The following TRPM1 variants were observed in gnomAD, a reference collection of about 807,000 sequenced individuals.
The protein encoded by TRPM1 is transient receptor potential cation channel subfamily M member 1, also known as TRPM1-203 APA Isoform, Intron 10.
Under a neutral mutation model 149.4 loss-of-function variants are expected in TRPM1, and 113 were observed. That is an observed-to-expected ratio of 0.76 (90% CI 0.65 to 0.88). The LOEUF (loss-of-function observed/expected upper bound fraction) is 0.88, where lower values mean the gene tolerates loss of function less well. Ranked by LOEUF, TRPM1 falls within the 40% of genes least tolerant of loss-of-function variation. The pLI is 0.00. For missense variants in TRPM1, 1,976 were observed against 2,038.7 expected, an observed-to-expected ratio of 0.97 and a Z score of 0.59; for synonymous variants, 741 against 759.5, an observed-to-expected ratio of 0.98 and a Z score of 0.40.
intron 1 of TRPM1, among the ~76,000 whole-genome samples, chr15:31,120,872 T>C (rs2035865361): frequency 6.6e-6 from 1 of 152,056 alleles, no homozygotes; most frequent in Admixed American, 6.5e-5. Context: ...CCAAAATGTG[T>C]GGGAATGCAG....
intron 1 of TRPM1, among the ~76,000 whole-genome samples, chr15:31,148,262 G>T (rs1299662678): frequency 6.6e-6 from 1 of 152,182 alleles, no homozygotes; most frequent in Non-Finnish European, 1.5e-5. Flanking sequence ...TAGGTGCGAG[G>T]ACAGCAGGAC....
intron 2 of TRPM1, among the ~76,000 whole-genome samples, chr15:31,077,798 GT>G (rs1468202069): frequency 6.6e-6 from 1 of 151,918 alleles, no homozygotes; most frequent in Admixed American, 6.6e-5. Context: ...AGTGCAGAGT[GT>G]GTCGTGATGC....
At chr15:31,103,239 T>C (rs895744439), upstream of TRPM1, among the ~76,000 whole-genome samples, 1 of 152,098 alleles carries the variant, frequency 6.6e-6, no homozygotes, top group Non-Finnish European at 1.5e-5. Context: ...GGGAGCCCCA[T>C]CCTTCCCCAA....
At chr15:31,043,399 A>G (rs1307285114) in intron 16 of TRPM1, among the ~76,000 whole-genome samples, 3 of 152,056 alleles carry the variant, frequency 2.0e-5, no homozygotes, top group African/African-American at 4.8e-5. Context: ...TCACCGTGTT[A>G]GCCAGGATGG....
In TRPM1 at chr15:31,035,620, C is replaced by A. The variant is rs1180604660; in HGVS notation, c.2626G>T (p.Asp876Tyr). Residue 876 changes from aspartate (D) to tyrosine (Y), a missense_variant, in exon 21 of 28, where the codon GAT becomes TAT. Physicochemically the swap from Asp to Tyr is radical, Grantham distance 160 (BLOSUM62 -3). Coordinates refer to ENST00000256552, the MANE Select transcript of TRPM1 (RefSeq NM_001252024.2). The part of the protein sequence containing the change: ...LFNYVILVRM[D>Y]GWPSLQEWIV... Reference sequence around the variant, plus strand: ...CACTCCTGGAGGGACGGCCAGCCATCCATCCGCACCAGGATGACGTAGTTA... The same window carrying A: ...CACTCCTGGAGGGACGGCCAGCCATACATCCGCACCAGGATGACGTAGTTA... The A allele has an allele frequency of 1.9e-6, 3 of 1,614,206 alleles. No homozygotes were observed. The highest frequency in any genetic ancestry group is 1.7e-5 in the Admixed American group (1 of 60,026).
upstream of TRPM1, among the ~76,000 whole-genome samples, chr15:31,102,123 T>A (rs947196378): frequency 6.6e-6 from 1 of 152,236 alleles, no homozygotes; most frequent in African/African-American, 2.4e-5. Flanking sequence ...ATGGCACTAA[T>A]TACTGCTAAT....
At chr15:31,070,484 T>G in intron 3 of TRPM1, 1 of 690,504 alleles carries the variant, frequency 1.4e-6, no homozygotes, top group South Asian at 1.5e-5. Flanking sequence ...AACTTTTTGA[T>G]GTCTTGATAA....
chr15:31,037,737 G>A lies in TRPM1; in HGVS notation c.2545C>T (p.Pro849Ser). 4 of 1,614,188 alleles carry A rather than the reference G, an allele frequency of 2.5e-6. No individual in the cohort carries two copies. Among genetic ancestry groups the A allele is most frequent in the Non-Finnish European group, 3.4e-6 (4 of 1,180,032 alleles). Residue 849 changes from proline (P) to serine (S), a missense_variant, in exon 20 of 28, where the codon CCC (proline) becomes TCC (serine). Pro to Ser is a moderately conservative substitution (Grantham distance 74). Transcript: ENST00000256552. The stretch of plus-strand genomic sequence containing the variant: ...GTGTAAAACCAGAACTTGACAATGG[G>A]CGCGTTATAGAATTCACAGATCTTT... Reference protein sequence around the residue: ...GTKICEFYNAPIVKFWFYTIS... With the variant: ...GTKICEFYNASIVKFWFYTIS...
At chr15:31,135,018 A>G (rs1320887340) in intron 1 of TRPM1, among the ~76,000 whole-genome samples, 1 of 152,010 alleles carries the variant, frequency 6.6e-6, no homozygotes. Context: ...AAAAAAAGAG[A>G]TTGGCTCAAC....
At chr15:31,131,743 G>A (rs1173356560) in intron 1 of TRPM1, among the ~76,000 whole-genome samples, 2 of 152,190 alleles carry the variant, frequency 1.3e-5, no homozygotes, top group African/African-American at 2.4e-5. Context: ...GAGAGTGGGT[G>A]GAAGCAGTGA....
chr15:31,037,841 TCCTGGAAAAC>T lies in TRPM1; in HGVS notation c.2440-9_2440del. 1 of 1,614,112 alleles carries T rather than the reference TCCTGGAAAAC, an allele frequency of 6.2e-7. No homozygotes were observed. ...TCTTGAGCCAGCATCTGCATTTGCA[TCCTGGAAAAC>T]AGAGCACAGCACATGACAGGCAGGT... On this transcript the variant is annotated splice_acceptor_variant and splice_polypyrimidine_tract_variant and coding_sequence_variant and intron_variant, in exon 20 of 28. Transcript: ENST00000256552. LOFTEE classifies it high-confidence loss of function.
chr15:31,046,168 G>A, intron 16 of TRPM1, 36 bp downstream of exon 16: 2 of 1,605,398 alleles, frequency 1.2e-6, no homozygotes, highest in East Asian at 2.2e-5. Context: ...ATTTGACCAG[G>A]ATATTATAAA....
chr15:31,049,526 C>T lies in TRPM1; in HGVS notation c.1438-17G>A. 1.2e-6 allele frequency: 2 copies of T among 1,613,214 alleles called. No individual in the cohort carries two copies. Among genetic ancestry groups the T allele is most frequent in the Non-Finnish European group, 1.7e-6 (2 of 1,180,010 alleles). ...AGCATTCACCTGCAGGGACCAAGGG[C>T]CGGGAGCCTGTGAGTGGCCTCTCAG... On this transcript the variant is annotated splice_polypyrimidine_tract_variant and intron_variant, in intron 12 of 27. Transcript: ENST00000256552.
At chr15:31,084,819 C>G (rs1888340729) in intron 1 of TRPM1, among the ~76,000 whole-genome samples, 1 of 148,708 alleles carries the variant, frequency 6.7e-6, no homozygotes, top group East Asian at 2.0e-4. Flanking sequence ...ACTACAGGCG[C>G]CCGCCACCAC....
chr15:31,134,013 C>T (rs771620523), intron 1 of TRPM1, among the ~76,000 whole-genome samples: 6 of 152,144 alleles, frequency 3.9e-5, no homozygotes, highest in Non-Finnish European at 5.9e-5. Flanking sequence ...GTAAGCGGCC[C>T]TCTGGGAAGA....
In TRPM1 at chr15:31,113,565, C is replaced by T. The variant is rs574756191; in HGVS notation, c.55-36581G>A. On this transcript the variant is annotated intron_variant, in intron 1 of 26. Coordinates refer to the TRPM1 transcript ENST00000542188. ...GTACTCCTAAAATGTTTTTTTTTAA[C>T]TTTAGGTTCCCCCATACAACTGCAG... 2.5e-3 allele frequency among the ~76,000 whole-genome samples: 374 copies of T among 150,992 alleles called. 3 individuals carry two copies. Among genetic ancestry groups the T allele is most frequent in the African/African-American group, 8.9e-3 (362 of 40,806 alleles).
rs146911859 is a variant in TRPM1, at chr15:31,114,264, G to T, written c.55-37280C>A. ...AGCTCCCATTTATAAGTGAGGACAT[G>T]TGGTATTTGGTTTTCTGTTCCTGTG... On this transcript the variant is annotated intron_variant, in intron 1 of 26. Transcript: ENST00000542188. 3.4e-3 allele frequency among the ~76,000 whole-genome samples: 517 copies of T among 152,310 alleles called. 4 individuals carry two copies. Among genetic ancestry groups the T allele is most frequent in the African/African-American group, 0.012 (496 of 41,564 alleles).
intron 4 of TRPM1, 54 bp downstream of exon 4, chr15:31,069,977 G>A (rs752190764): frequency 1.2e-6 from 2 of 1,613,968 alleles, no homozygotes; most frequent in Admixed American, 3.3e-5. Context: ...TGGGAGACTG[G>A]CCGCCAATGA....
chr15:31,024,142 G>A (rs2032640929), intron 27 of TRPM1, among the ~76,000 whole-genome samples: 1 of 152,168 alleles, frequency 6.6e-6, no homozygotes, highest in African/African-American at 2.4e-5. Flanking sequence ...CCTACAGACT[G>A]AATAGTGCTG....
Sources: allele counts gnomAD v4.1 joint callset (sites outside exome capture counted in the v4.1 genomes callset), GRCh38; gene constraint gnomAD v4.1.1; transcripts MANE v1.5; gene names NCBI Gene and HGNC (gene_info 2026-07-23, HGNC 2026-07-21).